The following GLYR1 variants were observed in gnomAD, a reference collection of about 807,000 sequenced individuals.
GLYR1 encodes the protein glyoxylate reductase 1 homolog.
A neutral mutation model predicts 72.7 loss-of-function variants in GLYR1; 21 were observed. The observed-to-expected ratio is 0.29, with a 90% confidence interval of 0.20 to 0.42. The LOEUF is 0.42. GLYR1 is among the 10% of genes least tolerant of loss of function. The probability of loss-of-function intolerance (pLI) is 1.00; values close to 1 mark genes in which losing one functional copy is unlikely to be tolerated. For missense variants in GLYR1, 594 were observed against 712.1 expected (o/e 0.83, Z 1.89); for synonymous variants, 392 against 270.2 (o/e 1.45, Z -4.42).
chr16:4,828,568 A>G (rs1265978400), intron 5 of GLYR1, among the ~76,000 whole-genome samples: 1 of 151,972 alleles, frequency 6.6e-6, no homozygotes, highest in Non-Finnish European at 1.5e-5. Context: ...TCTGCAGTTT[A>G]TTGGGAGCTC....
chr16:4,820,258 G>A (rs2083925749), intron 9 of GLYR1, among the ~76,000 whole-genome samples: 2 of 152,140 alleles, frequency 1.3e-5, no homozygotes, highest in Admixed American at 1.3e-4. Flanking sequence ...CAAAGTGCTG[G>A]GATAACAGCC....
intron 9 of GLYR1, among the ~76,000 whole-genome samples, chr16:4,819,411 G>C (rs1046918051): frequency 6.6e-6 from 1 of 152,104 alleles, no homozygotes; most frequent in Non-Finnish European, 1.5e-5. Context: ...GGGCTCAAGT[G>C]ATCCTTCCAC....
At chr16:4,844,201 G>C (rs74003513) in intron 3 of GLYR1, among the ~76,000 whole-genome samples, 2 of 151,640 alleles carry the variant, frequency 1.3e-5, no homozygotes, top group African/African-American at 4.8e-5. Context: ...CAAATCACTA[G>C]CAACTCAAGT....
At chr16:4,826,678 A>C (rs1286472396) in intron 5 of GLYR1, among the ~76,000 whole-genome samples, 1 of 152,248 alleles carries the variant, frequency 6.6e-6, no homozygotes, top group Non-Finnish European at 1.5e-5. Flanking sequence ...TTCTGCAATG[A>C]TGGGCGTGTA....
intron 15 of GLYR1, among the ~76,000 whole-genome samples, chr16:4,810,646 G>T (rs541719499): frequency 2.3e-5 from 3 of 130,508 alleles, no homozygotes; most frequent in African/African-American, 8.9e-5. Context: ...GGCAGATCAC[G>T]AGGTCAGGAG....
At position 4,845,227 on chromosome 16, in the gene GLYR1, T is replaced by A. The variant is rs1057324289; in HGVS notation, c.76-74A>T. The A allele has an allele frequency of 3.1e-6, 3 of 953,524 alleles. No homozygotes were observed. In the African/African-American group the frequency reaches 4.9e-5, roughly 15 times the overall value. The allele number at this position is 953,524 out of a possible 1,614,324, so 59.1% of individuals were successfully genotyped here. A position where few individuals can be genotyped will look rare whatever the true frequency, so the allele number is the denominator to read the frequency against. ...ACTTTCTAGTGGCTCCACATTGCTC[T>A]ACAGTTCTACGTTGCTAAGAAAAAA... On this transcript the variant is annotated intron_variant, in intron 2 of 15. Transcript: ENST00000321919.
At chr16:4,816,506 G>T (rs76203404) in intron 10 of GLYR1, among the ~76,000 whole-genome samples, 15,880 of 152,084 alleles carry the variant, frequency 0.1, 1,245 homozygotes, top group African/African-American at 0.23. Context: ...TTTAATAAAA[G>T]CAACATATTA....
At chr16:4,840,172 C>G (rs2085444981) in intron 3 of GLYR1, 1 of 152,530 alleles carries the variant, frequency 6.6e-6, no homozygotes, top group African/African-American at 2.4e-5. Context: ...TGCTCCTCAC[C>G]CTGGTCCTAA....
chr16:4,814,780 T>C lies in GLYR1; in HGVS notation c.907-133A>G, dbSNP rs554945862. On this transcript the variant is annotated intron_variant, in intron 10 of 15. Coordinates refer to ENST00000321919, the MANE Select transcript of GLYR1 (RefSeq NM_032569.4). ...AGGCTGAGGCCGGGAGCCTGGGTCA[T>C]GGAGATAGGAGCCCAACTTTTGGGG... The C allele has an allele frequency of 1.3e-4, 91 of 689,102 alleles. No individual in the cohort carries two copies. In the African/African-American group the frequency reaches 1.6e-3, roughly 12 times the overall value. The allele number at this position is 689,102 out of a possible 1,614,324, so 42.7% of individuals were successfully genotyped here.
intron 3 of GLYR1, among the ~76,000 whole-genome samples, chr16:4,835,856 A>C (rs926776339): frequency 2.6e-5 from 4 of 152,174 alleles, no homozygotes; most frequent in African/African-American, 9.7e-5. Context: ...AAAAAAACCC[A>C]GCTTACCAGA....
rs772225425 is a variant in GLYR1 at position 4,813,799 on chromosome 16, G to A, written c.1057C>T (p.Pro353Ser). 1 of 1,613,168 alleles carries A rather than the reference G, an allele frequency of 6.2e-7. No individual in the cohort carries two copies. Among genetic ancestry groups the A allele is most frequent in the Admixed American group, 1.7e-5 (1 of 59,896 alleles). Reference sequence around the variant, plus strand: ...GACATGTCCACGTAGCACTTCCCAGGGCGGATCCCTTGCAGCACACCACTG... The same window carrying A: ...GACATGTCCACGTAGCACTTCCCAGAGCGGATCCCTTGCAGCACACCACTG... ...GPSGVLQGIR[P>S]GKCYVDMSTV... is the part of the protein sequence containing the mutation. Residue 353 changes from proline to serine, a missense_variant, in exon 12 of 16, where the codon CCT becomes TCT. Physicochemically the swap from Pro to Ser is moderately conservative, Grantham distance 74. This residue lies in a region of GLYR1 where 266 missense variants were observed against 358.4 expected (regional missense o/e 0.74). Transcript: ENST00000321919.
Position 4,814,516 on chromosome 16 carries a change from G to C in GLYR1, c.1017+21C>G, listed in dbSNP as rs1162893180. ...CCTGGCTGTGACCCGGAGTTGCTGAGGGGAGGGAGGGGGTCCTTACGTCCT... is the reference window on the plus strand; with the variant it reads ...CCTGGCTGTGACCCGGAGTTGCTGACGGGAGGGAGGGGGTCCTTACGTCCT... On this transcript the variant is annotated intron_variant, in intron 11 of 15. Coordinates refer to ENST00000321919, the MANE Select transcript of GLYR1 (RefSeq NM_032569.4). The C allele has an allele frequency of 3.1e-6, 5 of 1,590,176 alleles. No individual in the cohort carries two copies. The South Asian group carries it at 3.3e-5, about 11-fold the overall frequency.
chr16:4,811,611 A>G lies in GLYR1; in HGVS notation c.1462+12T>C. 1 of 1,613,316 alleles carries G rather than the reference A, an allele frequency of 6.2e-7. No individual in the cohort carries two copies. Among genetic ancestry groups the G allele is most frequent in the South Asian group, 1.1e-5 (1 of 91,040 alleles). ...ACACCAAATGCAAGAAGAGGGGCCA[A>G]AAACAACTCACTTTGGCACTTCTGG... is the stretch of plus-strand genomic sequence containing the variant. On this transcript the variant is annotated intron_variant, in intron 14 of 15. Coordinates refer to ENST00000321919, the MANE Select transcript of GLYR1 (RefSeq NM_032569.4).
At chr16:4,846,649 T>A (rs979998004) in intron 1 of GLYR1, 1 of 250,666 alleles carries the variant, frequency 4.0e-6, no homozygotes, top group South Asian at 4.7e-5. Context: ...TTCGGGCGGT[T>A]GTCTGGGACA....
intron 14 of GLYR1, 109 bp downstream of exon 14, chr16:4,811,510 CAGGG>C: frequency 1.4e-6 from 2 of 1,385,718 alleles, no homozygotes; most frequent in Non-Finnish European, 2.0e-6. Context: ...CTCCTCTGGC[CAGGG>C]TCAGGGACTG....
intron 11 of GLYR1, 102 bp downstream of exon 11, chr16:4,814,434 CA>C (rs1264615743): frequency 3.5e-6 from 3 of 848,338 alleles, no homozygotes; most frequent in Non-Finnish European, 6.1e-6. Flanking sequence ...TTCAGCCCCC[CA>C]CATGTGGACA....
intron 9 of GLYR1, among the ~76,000 whole-genome samples, chr16:4,819,133 A>G (rs1245976437): frequency 6.6e-6 from 1 of 152,086 alleles, no homozygotes; most frequent in Non-Finnish European, 1.5e-5. Flanking sequence ...CTCATTTCTG[A>G]TCATATCATG....
At position 4,814,031 on chromosome 16, in the gene GLYR1, G is replaced by T. The variant is rs548828611; in HGVS notation, c.1018-193C>A. 1.8e-5 allele frequency: 8 copies of T among 438,510 alleles called. No homozygotes were observed. The Admixed American group carries it at 2.0e-4, about 11-fold the overall frequency. 27.2% of individuals were successfully genotyped at this position (438,510 alleles called of 1,614,324 possible). A position where few individuals can be genotyped will look rare whatever the true frequency, so the allele number is the denominator to read the frequency against. On this transcript the variant is annotated intron_variant, in intron 11 of 15. Transcript: ENST00000321919. ...GCATGCTCCCATTTATCTTTAAAAAGAATCTATGTGAGTGTGTGCATTTCT... is the reference window on the plus strand; with the variant it reads ...GCATGCTCCCATTTATCTTTAAAAATAATCTATGTGAGTGTGTGCATTTCT...
intron 10 of GLYR1, among the ~76,000 whole-genome samples, chr16:4,814,905 C>T (rs183537629): frequency 5.5e-4 from 84 of 152,262 alleles, no homozygotes; most frequent in African/African-American, 1.9e-3. Flanking sequence ...TATGCTGTTT[C>T]AAGAATGGGG....
Sources: allele counts gnomAD v4.1 joint callset (sites outside exome capture counted in the v4.1 genomes callset), GRCh38; gene constraint gnomAD v4.1.1; regional missense constraint gnomAD v4.1.1; transcripts MANE v1.5; gene names NCBI Gene and HGNC (gene_info 2026-07-23, HGNC 2026-07-21).